Variants in ELP4 observed in about 807,000 individuals in gnomAD.
The protein encoded by ELP4 is elongator complex protein 4.
A neutral mutation model predicts 48.9 loss-of-function variants in ELP4; 51 were observed. The ratio of observed to expected loss-of-function variants is 1.04; its 90% confidence interval spans 0.83 to 1.32. The LOEUF (loss-of-function observed/expected upper bound fraction) is 1.32, where lower values mean the gene tolerates loss of function less well. Among genes scored for constraint, ELP4 ranks in the 40% most tolerant of loss-of-function variants. ELP4 has a pLI of 0.00. For missense variants in ELP4, 519 were observed against 514.6 expected, an observed-to-expected ratio of 1.01 and a Z score of -0.08; for synonymous variants, 210 against 189.2, an observed-to-expected ratio of 1.11 and a Z score of -0.90.
At chr11:31,581,322 T>C (rs562685787) in intron 3 of ELP4, among the ~76,000 whole-genome samples, 1 of 152,296 alleles carries the variant, frequency 6.6e-6, no homozygotes, top group African/African-American at 2.4e-5. Flanking sequence ...TCCCTTGTTT[T>C]GGTGCTATAC....
At chr11:31,598,693 G>T (rs778242527) in intron 4 of ELP4, among the ~76,000 whole-genome samples, 2 of 151,458 alleles carry the variant, frequency 1.3e-5, no homozygotes, top group Non-Finnish European at 2.9e-5. Context: ...TTTTTGTAGA[G>T]ATAGGGTCTC....
At chr11:31,720,148 C>T (rs1229550764) in intron 9 of ELP4, among the ~76,000 whole-genome samples, 3 of 152,002 alleles carry the variant, frequency 2.0e-5, no homozygotes, top group Non-Finnish European at 2.9e-5. Flanking sequence ...AGTTCTGTGA[C>T]TGCAGAAACC....
intron 9 of ELP4, among the ~76,000 whole-genome samples, chr11:31,738,120 G>C (rs1417544818): frequency 6.6e-6 from 1 of 151,038 alleles, no homozygotes; most frequent in Non-Finnish European, 1.5e-5. Flanking sequence ...ATCCAGCCAG[G>C]CACGGTGGCT....
At chr11:31,660,091 T>G (rs1326123220) in intron 9 of ELP4, among the ~76,000 whole-genome samples, 1 of 152,206 alleles carries the variant, frequency 6.6e-6, no homozygotes, top group Admixed American at 6.6e-5. Flanking sequence ...ATTAATGAAA[T>G]GTTTATTAAT....
intron 3 of ELP4, among the ~76,000 whole-genome samples, chr11:31,582,955 C>A (rs966045623): frequency 5.3e-5 from 8 of 152,082 alleles, no homozygotes; most frequent in African/African-American, 1.9e-4. Context: ...TGAAGACTTT[C>A]AAGAAATTAT....
intron 3 of ELP4, among the ~76,000 whole-genome samples, chr11:31,569,332 T>C (rs1957159727): frequency 6.6e-6 from 1 of 151,924 alleles, no homozygotes; most frequent in Non-Finnish European, 1.5e-5. Context: ...TGGGAGAAAA[T>C]ATTCACAAAC....
intron 3 of ELP4, among the ~76,000 whole-genome samples, chr11:31,572,106 A>G (rs1240334546): frequency 6.6e-6 from 1 of 152,236 alleles, no homozygotes; most frequent in Non-Finnish European, 1.5e-5. Context: ...TTCTTCCAAT[A>G]GAAGGCAGTG....
At chr11:31,760,297 A>G (rs771740713) in intron 9 of ELP4, among the ~76,000 whole-genome samples, 13 of 152,212 alleles carry the variant, frequency 8.5e-5, no homozygotes, top group Non-Finnish European at 1.8e-4. Context: ...ACTTTGAAAC[A>G]TGTCACCACG....
chr11:31,718,737 G>T (rs1946893430), intron 9 of ELP4, among the ~76,000 whole-genome samples: 1 of 152,168 alleles, frequency 6.6e-6, no homozygotes, highest in Non-Finnish European at 1.5e-5. Flanking sequence ...TGCTTAGATG[G>T]CAGCTTAGGC....
chr11:31,789,900 A>G lies in ELP4; in HGVS notation c.*6376A>G, dbSNP rs753270350. ...CATAGTCACTGACTGAATTAACACA[A>G]TATTTCCTTTCCTTTTTTTTTTTTT... is the stretch of plus-strand genomic sequence containing the variant. On this transcript the variant is annotated 3_prime_UTR_variant, in exon 10 of 10. Coordinates refer to ENST00000640961, the MANE Select transcript of ELP4 (RefSeq NM_019040.5). 9 of 1,544,288 alleles carry G rather than the reference A, an allele frequency of 5.8e-6. No homozygotes were observed. The highest frequency in any genetic ancestry group is 1.7e-4 in the Middle Eastern group (1 of 5,908).
At chr11:31,708,867 A>G (rs77604363) in intron 9 of ELP4, among the ~76,000 whole-genome samples, 3,076 of 152,268 alleles carry the variant, frequency 0.02, 49 homozygotes, top group South Asian at 0.043. Context: ...TTGAATAATT[A>G]TGCAAGGAAA....
At position 31,584,480 on chromosome 11, in the gene ELP4, T is replaced by C. The variant is rs1957440689; in HGVS notation, c.382-10290T>C. On this transcript the variant is annotated intron_variant, in intron 3 of 9. Transcript: ENST00000640961. ...ATAATAGAGAACCAAGAATGTAAGA[T>C]AACTTTAAAATAATTTATAATTTAT... 2.0e-5 allele frequency among the ~76,000 whole-genome samples: 3 copies of C among 152,200 alleles called. No homozygotes were observed. The South Asian group carries it at 6.2e-4, about 32-fold the overall frequency.
intron 4 of ELP4, among the ~76,000 whole-genome samples, chr11:31,602,742 A>T (rs11031427): frequency 6.6e-6 from 1 of 151,688 alleles, no homozygotes; most frequent in Non-Finnish European, 1.5e-5. Context: ...TGTCACTTAG[A>T]TAAGTATCTA....
intron 3 of ELP4, among the ~76,000 whole-genome samples, chr11:31,554,217 T>C (rs1482279401): frequency 6.6e-6 from 1 of 152,164 alleles, no homozygotes; most frequent in Non-Finnish European, 1.5e-5. Context: ...GCACAATAAA[T>C]GTAATGCTCT....
chr11:31,686,122 A>C (rs1397007903), intron 9 of ELP4, among the ~76,000 whole-genome samples: 1 of 151,982 alleles, frequency 6.6e-6, no homozygotes, highest in African/African-American at 2.4e-5. Flanking sequence ...TGAAAGCCAA[A>C]CTCACCTGTG....
chr11:31,527,749 C>A (rs1030292894), intron 2 of ELP4, among the ~76,000 whole-genome samples: 8 of 152,074 alleles, frequency 5.3e-5, no homozygotes, highest in African/African-American at 1.9e-4. Flanking sequence ...CCAGAATGCA[C>A]TTTCTAATAT....
At chr11:31,726,217 G>A (rs949762813) in intron 9 of ELP4, among the ~76,000 whole-genome samples, 1 of 152,098 alleles carries the variant, frequency 6.6e-6, no homozygotes, top group Non-Finnish European at 1.5e-5. Context: ...AGATCAAGGG[G>A]TTATCAAGGA....
At chr11:31,725,171 G>A (rs936481025) in intron 9 of ELP4, among the ~76,000 whole-genome samples, 10 of 152,092 alleles carry the variant, frequency 6.6e-5, no homozygotes, top group Admixed American at 1.3e-4. Flanking sequence ...GCCTTTTCAC[G>A]GGCTAGATGT....
At chr11:31,553,719 CACACAA>C (rs909046892) in intron 3 of ELP4, among the ~76,000 whole-genome samples, 6 of 115,604 alleles carry the variant, frequency 5.2e-5, no homozygotes, top group African/African-American at 2.0e-4. Flanking sequence ...TCTCTTTGCA[CACACAA>C]ACACACACAC....
Sources: gnomAD v4.1 joint callset for allele counts (sites outside exome capture counted in the v4.1 genomes callset) on GRCh38, gnomAD v4.1.1 for gene constraint, MANE v1.5 for transcripts, NCBI Gene and HGNC (gene_info 2026-07-23, HGNC 2026-07-21) for gene names.